Variants in PKIB observed in about 807,000 individuals in gnomAD.
PKIB encodes the protein cAMP-dependent protein kinase inhibitor beta.
Under a neutral mutation model 4.5 loss-of-function variants are expected in PKIB, and 2 were observed. That is an observed-to-expected ratio of 0.44 (90% CI 0.18 to 1.39). PKIB has a LOEUF of 1.39. Ranked by LOEUF, PKIB falls within the 40% of genes most tolerant of loss-of-function variation. The pLI, the probability that PKIB is intolerant of heterozygous loss-of-function variation, is 0.27. For missense variants in PKIB, 94 were observed against 92.6 expected (o/e 1.02, Z -0.06); for synonymous variants, 38 against 36.0 (o/e 1.06, Z -0.20).
chr6:122,586,760 G>A (rs980071445), intron 3 of PKIB, among the ~76,000 whole-genome samples: 1 of 152,056 alleles, frequency 6.6e-6, no homozygotes, highest in Non-Finnish European at 1.5e-5. Flanking sequence ...GAGCAGATGG[G>A]TCTTAAACAG....
chr6:122,725,327 A>C lies in PKIB; in HGVS notation c.*132A>C, dbSNP rs1406153980. 2.9e-6 allele frequency: 2 copies of C among 693,286 alleles called. No individual in the cohort carries two copies. The highest frequency in any genetic ancestry group is 4.9e-6 in the Non-Finnish European group (2 of 409,974). The allele number at this position is 693,286 out of a possible 1,614,324, so 42.9% of individuals were successfully genotyped here. On this transcript the variant is annotated 3_prime_UTR_variant, in exon 5 of 5. Transcript: ENST00000368452. ...CCTAAGCAGCATGTGTATATTAGATAATTGTGTTGTGATGCTACTCACTTT... is the reference window on the plus strand; with the variant it reads ...CCTAAGCAGCATGTGTATATTAGATCATTGTGTTGTGATGCTACTCACTTT...
intron 1 of PKIB, among the ~76,000 whole-genome samples, chr6:122,623,942 G>T (rs1020273265): frequency 1.3e-5 from 2 of 151,794 alleles, no homozygotes; most frequent in Non-Finnish European, 2.9e-5. Flanking sequence ...AACACAATAT[G>T]TGCCAGGCAT....
chr6:122,656,516 T>C (rs1361217201), intron 2 of PKIB, among the ~76,000 whole-genome samples: 1 of 152,226 alleles, frequency 6.6e-6, no homozygotes, highest in Non-Finnish European at 1.5e-5. Context: ...TTAGCCAAAC[T>C]GATGTATCAC....
At chr6:122,698,433 G>A (rs1778661356) in intron 3 of PKIB, among the ~76,000 whole-genome samples, 1 of 152,150 alleles carries the variant, frequency 6.6e-6, no homozygotes, top group Non-Finnish European at 1.5e-5. Flanking sequence ...ACCAGGCATT[G>A]CAGTAGCTGG....
chr6:122,711,079 T>G (rs913594479), intron 3 of PKIB, among the ~76,000 whole-genome samples: 2 of 151,986 alleles, frequency 1.3e-5, no homozygotes, highest in African/African-American at 4.8e-5. Flanking sequence ...CTTATATTCA[T>G]CTAAAGGAGA....
intron 2 of PKIB, among the ~76,000 whole-genome samples, chr6:122,635,089 A>T (rs1775861020): frequency 6.6e-6 from 1 of 151,778 alleles, no homozygotes; most frequent in Non-Finnish European, 1.5e-5. Context: ...GTAGAATTAT[A>T]ATACGAATTA....
Position 122,717,945 on chromosome 6 carries a change from G to T in PKIB, c.151G>T (p.Ala51Ser). The T allele has an allele frequency of 6.2e-7, 1 of 1,613,388 alleles. No homozygotes were observed. The highest frequency in any genetic ancestry group is 8.5e-7 in the Non-Finnish European group (1 of 1,179,504). ...CTCAGATTTGCCCCTCAAACTGGAGGCTCTCTCCGTGAAGGAAGGTAATAC... is the reference window on the plus strand; with the variant it reads ...CTCAGATTTGCCCCTCAAACTGGAGTCTCTCTCCGTGAAGGAAGGTAATAC... ...GTSDLPLKLEALSVKEDAKEK... is the reference protein window; with the variant it reads ...GTSDLPLKLESLSVKEDAKEK... The change falls in exon 4 of 5, where the codon GCT becomes TCT. Residue 51 changes from alanine (A) to serine (S), a missense_variant. Transcript: ENST00000368452.
At chr6:122,592,019 CTTT>C in intron 3 of PKIB, among the ~76,000 whole-genome samples, 1 of 143,024 alleles carries the variant, frequency 7.0e-6, no homozygotes, top group Admixed American at 7.0e-5. Context: ...TCTCTTTTCC[CTTT>C]TTTTTTTTTA....
chr6:122,477,745 C>T (rs1308559856), intron 1 of PKIB: 1 of 152,232 alleles, frequency 6.6e-6, no homozygotes, highest in Non-Finnish European at 1.5e-5. Flanking sequence ...CTACACCTCA[C>T]TCCACTGACT....
chr6:122,490,065 A>C (rs1273101058), intron 2 of PKIB, among the ~76,000 whole-genome samples: 1 of 152,234 alleles, frequency 6.6e-6, no homozygotes, highest in African/African-American at 2.4e-5. Context: ...TTCTTCAAAA[A>C]TAGTTTGCAA....
At chr6:122,642,380 G>A (rs1160501834) in intron 2 of PKIB, among the ~76,000 whole-genome samples, 2 of 152,202 alleles carry the variant, frequency 1.3e-5, no homozygotes, top group East Asian at 3.8e-4. Context: ...TGTTCTGTTT[G>A]TTATTCTGCT....
At chr6:122,570,510 A>G (rs1032190554) in intron 2 of PKIB, among the ~76,000 whole-genome samples, 4 of 152,210 alleles carry the variant, frequency 2.6e-5, no homozygotes, top group Non-Finnish European at 5.9e-5. Context: ...AGAATGAGAT[A>G]AGCTTCAAAA....
intron 3 of PKIB, among the ~76,000 whole-genome samples, chr6:122,587,495 A>G (rs905141110): frequency 1.3e-5 from 2 of 152,174 alleles, no homozygotes; most frequent in Non-Finnish European, 2.9e-5. Context: ...ATACGTGTGC[A>G]TGTGTCTTTA....
intron 3 of PKIB, among the ~76,000 whole-genome samples, chr6:122,698,533 A>G (rs1314404238): frequency 6.6e-6 from 1 of 152,174 alleles, no homozygotes; most frequent in Non-Finnish European, 1.5e-5. Flanking sequence ...GTAATGGTGT[A>G]TAGTACAAGG....
At chr6:122,510,514 A>G (rs1776552055) in intron 2 of PKIB, among the ~76,000 whole-genome samples, 1 of 152,250 alleles carries the variant, frequency 6.6e-6, no homozygotes, top group African/African-American at 2.4e-5. Context: ...AGTCTTTTAA[A>G]TCTATAATAA....
chr6:122,651,012 G>A (rs1418273298), intron 2 of PKIB, among the ~76,000 whole-genome samples: 1 of 151,992 alleles, frequency 6.6e-6, no homozygotes, highest in Non-Finnish European at 1.5e-5. Flanking sequence ...CTGCTTAGTG[G>A]GATGATATCA....
intron 1 of PKIB, among the ~76,000 whole-genome samples, chr6:122,622,553 C>G (rs936081521): frequency 6.6e-6 from 1 of 152,152 alleles, no homozygotes; most frequent in East Asian, 1.9e-4. Context: ...TTAACCTGGC[C>G]CTCTTGAGAG....
chr6:122,510,920 C>G (rs1300092171), intron 2 of PKIB, among the ~76,000 whole-genome samples: 1 of 152,078 alleles, frequency 6.6e-6, no homozygotes, highest in East Asian at 1.9e-4. Context: ...CTTGGGCTCC[C>G]TCTCCTAGAA....
intron 2 of PKIB, chr6:122,493,478 A>G (rs1246534751): frequency 6.6e-6 from 1 of 152,222 alleles, no homozygotes; most frequent in Non-Finnish European, 1.5e-5. Context: ...TATATGATGT[A>G]TTGAAATCTT....
Sources: gnomAD v4.1 joint callset for allele counts (sites outside exome capture counted in the v4.1 genomes callset) on GRCh38, gnomAD v4.1.1 for gene constraint, MANE v1.5 for transcripts, NCBI Gene and HGNC (gene_info 2026-07-23, HGNC 2026-07-21) for gene names.